Variants in CEP128 observed in about 807,000 individuals in gnomAD.
CEP128 encodes the protein centrosomal protein 128kDa.
A neutral mutation model predicts 156.7 loss-of-function variants in CEP128; 132 were observed. That is an observed-to-expected ratio of 0.84 (90% CI 0.73 to 0.97). The LOEUF (loss-of-function observed/expected upper bound fraction) is 0.97, where lower values mean the gene tolerates loss of function less well. CEP128 is among the 50% of genes least tolerant of loss of function. CEP128 has a pLI of 0.00. For synonymous variants in CEP128, 469 were observed against 448.9 expected (o/e 1.04, Z -0.57); for missense variants, 1,252 against 1,281.9 (o/e 0.98, Z 0.36).
chr14:80,660,712 T>C (rs1299215523), intron 19 of CEP128, among the ~76,000 whole-genome samples: 1 of 152,178 alleles, frequency 6.6e-6, no homozygotes, highest in Non-Finnish European at 1.5e-5. Flanking sequence ...TTTTCCATGT[T>C]TTATGCATGA....
rs138080616 is a variant in CEP128, at chr14:80,553,954, C to T, written c.2880+5325G>A. Among the ~76,000 whole-genome samples the T allele has an allele frequency of 2.8e-3, 424 of 152,236 alleles. 2 individuals carry two copies. The highest frequency in any genetic ancestry group is 9.0e-3 in the African/African-American group (376 of 41,548). ...CTTTGTTCCTGGTCATAGAGGAGGA[C>T]GTCAGCATTTCAGTGCTAAGGTGAT... is the stretch of plus-strand genomic sequence containing the variant. On this transcript the variant is annotated intron_variant, in intron 21 of 24. Coordinates refer to ENST00000555265, the MANE Select transcript of CEP128 (RefSeq NM_152446.5).
intron 19 of CEP128, among the ~76,000 whole-genome samples, chr14:80,685,691 A>T (rs1287151136): frequency 6.6e-6 from 1 of 152,162 alleles, no homozygotes; most frequent in Non-Finnish European, 1.5e-5. Flanking sequence ...GAGATAGCAC[A>T]TCACCCTATG....
At chr14:80,802,701 G>C (rs1566637199) in intron 13 of CEP128, among the ~76,000 whole-genome samples, 1 of 151,836 alleles carries the variant, frequency 6.6e-6, no homozygotes, top group Non-Finnish European at 1.5e-5. Context: ...AGAAAAGTAA[G>C]GTCAGAAATT....
chr14:80,526,013 T>C lies in CEP128; in HGVS notation c.3072+856A>G, dbSNP rs1026550604. Among the ~76,000 whole-genome samples, 44 of 152,280 alleles carry C rather than the reference T, an allele frequency of 2.9e-4. 1 individual carries two copies. Among genetic ancestry groups the C allele is most frequent in the African/African-American group, 8.7e-4 (36 of 41,554 alleles). On this transcript the variant is annotated intron_variant, in intron 23 of 24. Coordinates refer to ENST00000555265, the MANE Select transcript of CEP128 (RefSeq NM_152446.5). ...ACCTTTAGCTTTTTTTTAATTGACT[T>C]GGAGTGCACATTTGAATATAGATGG... is the stretch of plus-strand genomic sequence containing the variant.
At chr14:80,575,975 A>T (rs1157868373) in intron 20 of CEP128, among the ~76,000 whole-genome samples, 1 of 152,126 alleles carries the variant, frequency 6.6e-6, no homozygotes, top group African/African-American at 2.4e-5. Context: ...GAGTAAGGGC[A>T]CATGAGTTTT....
chr14:80,861,005 C>G (rs1290641626), intron 9 of CEP128, among the ~76,000 whole-genome samples: 2 of 151,682 alleles, frequency 1.3e-5, no homozygotes, highest in South Asian at 2.1e-4. Context: ...CAAAGAAACA[C>G]TTAAAGGGAA....
At chr14:80,895,168 A>G (rs1388453375) in intron 8 of CEP128, among the ~76,000 whole-genome samples, 1 of 152,136 alleles carries the variant, frequency 6.6e-6, no homozygotes, top group Non-Finnish European at 1.5e-5. Flanking sequence ...ATAAAAATAA[A>G]TCACTGAACA....
chr14:80,775,022 T>C (rs1202960315), intron 16 of CEP128, among the ~76,000 whole-genome samples: 1 of 152,198 alleles, frequency 6.6e-6, no homozygotes, highest in East Asian at 1.9e-4. Context: ...TATATGCCAA[T>C]TGGTTGACTG....
At chr14:80,794,494 C>T (rs1243724561) in intron 13 of CEP128, among the ~76,000 whole-genome samples, 2 of 152,038 alleles carry the variant, frequency 1.3e-5, no homozygotes, top group Non-Finnish European at 2.9e-5. Flanking sequence ...TGAGAAAACC[C>T]TTGTAATTGT....
chr14:80,749,215 A>T (rs1031148615), intron 18 of CEP128, among the ~76,000 whole-genome samples: 1 of 152,158 alleles, frequency 6.6e-6, no homozygotes, highest in East Asian at 1.9e-4. Context: ...CACTTCGGAG[A>T]ACATATGGAG....
chr14:80,513,873 C>T (rs776536475), intron 23 of CEP128, among the ~76,000 whole-genome samples: 5 of 152,164 alleles, frequency 3.3e-5, no homozygotes, highest in African/African-American at 9.7e-5. Flanking sequence ...GGAAAATCTG[C>T]GTCTGTGAAG....
intron 20 of CEP128, among the ~76,000 whole-genome samples, chr14:80,576,649 G>GTGTC (rs910710167): frequency 4.7e-5 from 6 of 127,288 alleles, no homozygotes; most frequent in African/African-American, 1.7e-4. Flanking sequence ...GTGTGTGTGT[G>GTGTC]TGTGTCTGTG....
At chr14:80,724,373 TATA>T (rs1897934110) in intron 19 of CEP128, among the ~76,000 whole-genome samples, 2 of 152,120 alleles carry the variant, frequency 1.3e-5, no homozygotes, top group East Asian at 1.9e-4. Context: ...TACTTAATAA[TATA>T]ATAATAATTA....
intron 19 of CEP128, among the ~76,000 whole-genome samples, chr14:80,736,298 T>C (rs1898529157): frequency 6.6e-6 from 1 of 151,696 alleles, no homozygotes; most frequent in Non-Finnish European, 1.5e-5. Context: ...TTGAATTTAA[T>C]GAAAGCTACT....
At chr14:80,764,322 C>A (rs1350808043) in intron 16 of CEP128, among the ~76,000 whole-genome samples, 2 of 151,788 alleles carry the variant, frequency 1.3e-5, no homozygotes, top group Non-Finnish European at 2.9e-5. Flanking sequence ...CAAGGTGAAA[C>A]CCCGTCTCTA....
At chr14:80,867,649 T>C (rs1172356164) in intron 8 of CEP128, among the ~76,000 whole-genome samples, 2 of 151,264 alleles carry the variant, frequency 1.3e-5, no homozygotes, top group African/African-American at 2.4e-5. Flanking sequence ...TCATTTGAAA[T>C]TGCCCACTCA....
intron 19 of CEP128, among the ~76,000 whole-genome samples, chr14:80,595,980 A>G (rs1892297983): frequency 6.6e-6 from 1 of 151,920 alleles, no homozygotes; most frequent in East Asian, 1.9e-4. Context: ...CCCTCCCAGA[A>G]CAAATGGAAA....
At chr14:80,569,535 G>A (rs1891051310) in intron 20 of CEP128, among the ~76,000 whole-genome samples, 1 of 152,158 alleles carries the variant, frequency 6.6e-6, no homozygotes, top group Non-Finnish European at 1.5e-5. Flanking sequence ...GTGGTTGTAG[G>A]AGTTCAGAAA....
chr14:80,632,150 C>G (rs1893987449), intron 19 of CEP128, among the ~76,000 whole-genome samples: 1 of 151,998 alleles, frequency 6.6e-6, no homozygotes, highest in Admixed American at 6.6e-5. Flanking sequence ...AGAAGAGTCA[C>G]AAGATAGCTA....
Sources: allele counts gnomAD v4.1 joint callset (sites outside exome capture counted in the v4.1 genomes callset), GRCh38; gene constraint gnomAD v4.1.1; transcripts MANE v1.5; gene names NCBI Gene and HGNC (gene_info 2026-07-23, HGNC 2026-07-21).